The following SLMAP variants were observed in gnomAD, a reference collection of about 807,000 sequenced individuals.
SLMAP encodes the protein sarcolemma associated protein, also known as sarcolemmal membrane-associated protein.
A neutral mutation model predicts 128.8 loss-of-function variants in SLMAP; 44 were observed. The ratio of observed to expected loss-of-function variants is 0.34; its 90% CI spans 0.27 to 0.44. SLMAP has a LOEUF of 0.44. Ranked by LOEUF, SLMAP falls within the 20% of genes least tolerant of loss-of-function variation. The probability of loss-of-function intolerance (pLI) is 1.00; values close to 1 mark genes in which losing one functional copy is unlikely to be tolerated. For missense variants in SLMAP, 787 were observed against 985.3 expected (o/e 0.80, Z 2.69); for synonymous variants, 327 against 348.8 (o/e 0.94, Z 0.70).
intron 2 of SLMAP, among the ~76,000 whole-genome samples, chr3:57,762,222 G>T (rs997151475): frequency 6.6e-6 from 1 of 151,528 alleles, no homozygotes; most frequent in Non-Finnish European, 1.5e-5. Context: ...CAAAAAATTA[G>T]CTGGGCATGG....
chr3:57,822,087 T>G (rs1455700290), intron 2 of SLMAP, among the ~76,000 whole-genome samples: 2 of 152,180 alleles, frequency 1.3e-5, no homozygotes, highest in African/African-American at 4.8e-5. Flanking sequence ...AGTTTAGGGT[T>G]GCTCTCCATA....
chr3:57,881,711 C>T (rs1247253378), intron 14 of SLMAP, among the ~76,000 whole-genome samples: 2 of 152,136 alleles, frequency 1.3e-5, no homozygotes, highest in African/African-American at 4.8e-5. Context: ...ACCTCGGCCT[C>T]CCAAAGTGCT....
At chr3:57,824,096 A>G (rs1225937019) in intron 2 of SLMAP, among the ~76,000 whole-genome samples, 2 of 152,242 alleles carry the variant, frequency 1.3e-5, no homozygotes, top group African/African-American at 2.4e-5. Context: ...CAATGTATCA[A>G]TGGGAAACAT....
chr3:57,916,896 T>C lies in SLMAP; in HGVS notation c.2139-10T>C. 1.2e-6 allele frequency: 2 copies of C among 1,608,962 alleles called. No homozygotes were observed. The highest frequency in any genetic ancestry group is 2.2e-5 in the South Asian group (2 of 90,794). ...CTGTGAATAACTATCTGTCAATATT[T>C]ATATTGCAGTTCTCAGAAGCAGAGT... is the stretch of plus-strand genomic sequence containing the variant. On this transcript the variant is annotated splice_polypyrimidine_tract_variant and intron_variant, in intron 21 of 24. Transcript: ENST00000671191.
chr3:57,792,942 G>T (rs763342494), intron 2 of SLMAP, among the ~76,000 whole-genome samples: 34 of 152,016 alleles, frequency 2.2e-4, no homozygotes, highest in Non-Finnish European at 4.6e-4. Context: ...GTTGAGACCA[G>T]CCTGGGCAAC....
At chr3:57,918,884 A>G (rs968362252) in intron 22 of SLMAP, among the ~76,000 whole-genome samples, 2 of 152,226 alleles carry the variant, frequency 1.3e-5, no homozygotes, top group Non-Finnish European at 2.9e-5. Flanking sequence ...TTTATGAAGA[A>G]GAACCAAAGG....
At chr3:57,862,119 G>A (rs1235122597) in intron 10 of SLMAP, 33 bp downstream of exon 10, 1 of 1,520,222 alleles carries the variant, frequency 6.6e-7, no homozygotes, top group Non-Finnish European at 9.1e-7. Context: ...AGTATGTTAA[G>A]CTAATAATCC....
chr3:57,854,650 A>C (rs961683708), intron 6 of SLMAP, among the ~76,000 whole-genome samples: 2 of 152,160 alleles, frequency 1.3e-5, no homozygotes, highest in African/African-American at 4.8e-5. Flanking sequence ...TTAAAAGGAA[A>C]AATTAAAAGC....
intron 4 of SLMAP, among the ~76,000 whole-genome samples, chr3:57,843,114 A>G (rs1023358375): frequency 9.2e-5 from 14 of 152,278 alleles, no homozygotes; most frequent in African/African-American, 3.4e-4. Context: ...TTTTAAAAGC[A>G]TTAAGATGCT....
At chr3:57,850,391 G>A (rs976629370) in intron 6 of SLMAP, among the ~76,000 whole-genome samples, 1 of 152,082 alleles carries the variant, frequency 6.6e-6, no homozygotes, top group African/African-American at 2.4e-5. Context: ...TCAAGTATGA[G>A]GAGGTTCCAA....
chr3:57,757,337 G>A lies in SLMAP; in HGVS notation c.-315G>A. On this transcript the variant is annotated 5_prime_UTR_variant, in exon 2 of 25. Transcript: ENST00000671191. ...CCTCCAGTCCCCAAACTGTGTTCCA[G>A]GAGTTTTCTTGGCCGAAGCTGCCCG... The A allele has an allele frequency of 2.3e-6, 1 of 433,712 alleles. No individual in the cohort carries two copies. Among genetic ancestry groups the A allele is most frequent in the Non-Finnish European group, 4.3e-6 (1 of 233,838 alleles). 26.9% of individuals were successfully genotyped at this position (433,712 alleles called of 1,614,324 possible).
At chr3:57,808,262 T>TTTTGTG (rs2090289167) in intron 2 of SLMAP, among the ~76,000 whole-genome samples, 1 of 152,278 alleles carries the variant, frequency 6.6e-6, no homozygotes, top group African/African-American at 2.4e-5. Context: ...TCTCCTTTAG[T>TTTTGTG]TCTGCTCTCA....
intron 2 of SLMAP, among the ~76,000 whole-genome samples, chr3:57,810,205 C>T (rs1053791000): frequency 1.3e-5 from 2 of 152,190 alleles, no homozygotes; most frequent in African/African-American, 4.8e-5. Flanking sequence ...CATGCTGGCA[C>T]CTGGAGCTGC....
chr3:57,831,340 C>T (rs1385873247), intron 2 of SLMAP, 43 bp from the exon 3 acceptor site: 5 of 1,303,708 alleles, frequency 3.8e-6, no homozygotes, highest in Non-Finnish European at 5.1e-6. Flanking sequence ...GGAATTATTA[C>T]TATTAATATT....
rs1560312108 is a variant in SLMAP at position 57,865,253 on chromosome 3, G to A, written c.1198G>A (p.Asp400Asn). ...TGTCTTAATCCTAGGGATACAAGTT[G>A]ATGACTTCTTACCTAAAATAAATGG... ...KECSSLGIQV[D>N]DFLPKINGST... Residue 400 changes from aspartate (D) to asparagine (N), a missense_variant, in exon 13 of 25, where the codon GAT becomes AAT. Physicochemically the swap from Asp to Asn is conservative, Grantham distance 23 (BLOSUM62 1). Transcript: ENST00000671191. The A allele has an allele frequency of 6.7e-7, 1 of 1,491,176 alleles. No individual in the cohort carries two copies. Among genetic ancestry groups the A allele is most frequent in the Non-Finnish European group, 9.1e-7 (1 of 1,099,346 alleles). 92.4% of individuals were successfully genotyped at this position (1,491,176 alleles called of 1,614,324 possible). A position where few individuals can be genotyped will look rare whatever the true frequency, so the allele number is the denominator to read the frequency against.
intron 22 of SLMAP, chr3:57,917,845 CA>C (rs1364105681): frequency 6.6e-6 from 1 of 152,198 alleles, no homozygotes; most frequent in East Asian, 1.9e-4. Context: ...ACTTGATCTA[CA>C]GATTAGGGAC....
Position 57,892,918 on chromosome 3 carries a change from C to T in SLMAP, c.1360+2818C>T, listed in dbSNP as rs138398659. Among the ~76,000 whole-genome samples the T allele has an allele frequency of 1.3e-3, 195 of 147,054 alleles. 1 individual carries two copies. Among genetic ancestry groups the T allele is most frequent in the Middle Eastern group, 0.01 (3 of 286 alleles). On this transcript the variant is annotated intron_variant, in intron 15 of 24. Transcript: ENST00000671191. ...GCTCAATCTCGGCTCACTGCAAGCT[C>T]TGCCTCCAGGGTTTGTGCCATTCTC...
intron 2 of SLMAP, among the ~76,000 whole-genome samples, chr3:57,798,904 G>C (rs1173006299): frequency 6.6e-6 from 1 of 152,160 alleles, no homozygotes; most frequent in Non-Finnish European, 1.5e-5. Context: ...CGGTGAGCAA[G>C]TCACTCTAGA....
At chr3:57,904,345 G>A (rs1442318890) in intron 17 of SLMAP, among the ~76,000 whole-genome samples, 1 of 152,114 alleles carries the variant, frequency 6.6e-6, no homozygotes, top group Non-Finnish European at 1.5e-5. Flanking sequence ...AATCGCTTGA[G>A]CCCAGGAGGT....
Sources: allele counts gnomAD v4.1 joint callset (sites outside exome capture counted in the v4.1 genomes callset), GRCh38; gene constraint gnomAD v4.1.1; transcripts MANE v1.5; gene names NCBI Gene and HGNC (gene_info 2026-07-23, HGNC 2026-07-21).